Variants in CELF2 observed in about 807,000 individuals in gnomAD.
CELF2 encodes CUG triplet repeat RNA-binding protein 2.
In CELF2, 8 loss-of-function variants were observed where a neutral mutation model predicts 62.6. That is an observed-to-expected ratio of 0.13 (90% CI 0.07 to 0.23). The LOEUF is 0.23. Among genes scored for constraint, CELF2 ranks in the 10% least tolerant of loss-of-function variants. The pLI is 1.00. For synonymous variants in CELF2, 258 were observed against 250.0 expected (o/e 1.03, Z -0.30); for missense variants, 333 against 671.0 (o/e 0.50, Z 5.56).
chr10:11,009,724 T>G (rs958889354), intron 1 of CELF2, among the ~76,000 whole-genome samples: 1 of 152,160 alleles, frequency 6.6e-6, no homozygotes, highest in Non-Finnish European at 1.5e-5. Context: ...TCACTTGAGT[T>G]TAGGGAGCAG....
At position 11,328,565 on chromosome 10, in the gene CELF2, T is replaced by A. The variant is rs764707608; in HGVS notation, c.1439-361T>A. 2.2e-4 allele frequency among the ~76,000 whole-genome samples: 34 copies of A among 152,228 alleles called. No homozygotes were observed. The highest frequency in any genetic ancestry group is 4.1e-4 in the Non-Finnish European group (28 of 68,034). Reference sequence around the variant, plus strand: ...CACCACTGCTTGTATGAGTAGCATGTATGGACCTGGGGTTCTTTTGGAGAG... The same window carrying A: ...CACCACTGCTTGTATGAGTAGCATGAATGGACCTGGGGTTCTTTTGGAGAG... On this transcript the variant is annotated intron_variant, in intron 12 of 12. Transcript: ENST00000633077. This position sits in a 1 kb window ranked among gnomAD's most constrained non-coding sequence, Gnocchi z 6.4.
At chr10:10,643,853 CT>C in the CELF2 span, among the ~76,000 whole-genome samples, 7 of 152,150 alleles carry the variant, frequency 4.6e-5, no homozygotes, top group Admixed American at 4.6e-4. Flanking sequence ...TTTCTTAACT[CT>C]CATTTGCATG....
At chr10:10,797,656 T>A (rs1266583109), upstream of CELF2, among the ~76,000 whole-genome samples, 4 of 152,190 alleles carry the variant, frequency 2.6e-5, no homozygotes, top group Non-Finnish European at 5.9e-5. Flanking sequence ...TGGCCAGCCA[T>A]GGTCCGGAAG....
chr10:10,646,359 G>T, the CELF2 span, among the ~76,000 whole-genome samples: 3 of 152,190 alleles, frequency 2.0e-5, no homozygotes, highest in Non-Finnish European at 2.9e-5. Context: ...CCATTTCAAC[G>T]AAAGCCACGG....
the CELF2 span, among the ~76,000 whole-genome samples, chr10:10,745,021 C>T: frequency 6.6e-6 from 1 of 150,944 alleles, no homozygotes. Flanking sequence ...GACTCGAAGG[C>T]GTGAATATGA....
chr10:11,154,359 C>T (rs2063897285), intron 1 of CELF2, among the ~76,000 whole-genome samples: 1 of 152,198 alleles, frequency 6.6e-6, no homozygotes, highest in African/African-American at 2.4e-5. Context: ...GTATTTGGTA[C>T]TGATTTCATC....
the CELF2 span, among the ~76,000 whole-genome samples, chr10:10,648,863 A>G: frequency 3.9e-5 from 6 of 152,312 alleles, no homozygotes; most frequent in South Asian, 1.2e-3. Context: ...CTATAGCTGC[A>G]TTCCATTGGG....
the CELF2 span, among the ~76,000 whole-genome samples, chr10:10,601,432 T>G: frequency 6.6e-6 from 1 of 152,198 alleles, no homozygotes; most frequent in Non-Finnish European, 1.5e-5. Context: ...TCTAAAGAAC[T>G]TTTGATAACT....
At position 11,270,728 on chromosome 10, in the gene CELF2, C is replaced by T. The variant is rs573001983; in HGVS notation, c.681C>T (p.Arg227=). The T allele has an allele frequency of 4.5e-6, 7 of 1,565,566 alleles. No homozygotes were observed. In the East Asian group the frequency reaches 9.6e-5, roughly 22 times the overall value. The change falls in exon 7 of 13, where the codon CGC becomes CGT. Residue 227 remains arginine, a synonymous_variant. Transcript: ENST00000633077. The surrounding 1 kb of genome is among the most constrained non-coding windows in gnomAD (Gnocchi z 5.8). ...CTCAGAAGGACAAAGAGCAAAGGCG[C>T]CTCCAGCAGCAGCTCGCTCAGCAGA... is the stretch of plus-strand genomic sequence containing the variant. The part of the protein sequence containing the change: ...ADTQKDKEQR[R]LQQQLAQQMQ...
At chr10:10,567,693 C>A in the CELF2 span, among the ~76,000 whole-genome samples, 1 of 152,126 alleles carries the variant, frequency 6.6e-6, no homozygotes, top group African/African-American at 2.4e-5. Context: ...TTATTAGCAA[C>A]CCCCTACCCT....
At chr10:10,744,159 C>G in the CELF2 span, among the ~76,000 whole-genome samples, 2 of 152,214 alleles carry the variant, frequency 1.3e-5, no homozygotes, top group South Asian at 4.1e-4. Flanking sequence ...ATACGAGTGC[C>G]AGTATTGCCA....
intron 1 of CELF2, among the ~76,000 whole-genome samples, chr10:10,825,663 C>T (rs1254718058): frequency 6.6e-6 from 1 of 152,172 alleles, no homozygotes; most frequent in Non-Finnish European, 1.5e-5. Context: ...TGGTCAGCAG[C>T]CATCTAGGTA....
At chr10:11,259,698 G>A (rs971171353) in intron 5 of CELF2, among the ~76,000 whole-genome samples, 3 of 152,176 alleles carry the variant, frequency 2.0e-5, no homozygotes, top group Non-Finnish European at 4.4e-5. Context: ...CCAGCCAAGG[G>A]ATACTAGCAT....
rs1276872757 is a variant in CELF2 at position 11,311,643 on chromosome 10, TTGA to T, written c.977-2494_977-2492del. On this transcript the variant is annotated intron_variant, in intron 9 of 12. Coordinates refer to ENST00000633077, the MANE Select transcript of CELF2 (RefSeq NM_001326342.2). The surrounding 1 kb of genome is among the most constrained non-coding windows in gnomAD (Gnocchi z 4.7). Reference sequence around the variant, plus strand: ...TGATTATGAAAAATGACCAATCATGTTGATAACATTCTAGAAATGAAAAAATAT... The same window carrying T: ...TGATTATGAAAAATGACCAATCATGTTAACATTCTAGAAATGAAAAAATAT... Among the ~76,000 whole-genome samples, 1 of 151,950 alleles carries T rather than the reference TTGA, an allele frequency of 6.6e-6. No homozygotes were observed. The highest frequency in any genetic ancestry group is 1.5e-5 in the Non-Finnish European group (1 of 67,954).
In CELF2 at chr10:11,330,578, C is replaced by CTACTGACCTTTGATCTA. The variant is rs1218466357; in HGVS notation, c.*1526_*1542dup. On this transcript the variant is annotated 3_prime_UTR_variant, in exon 13 of 13. Coordinates refer to ENST00000633077, the MANE Select transcript of CELF2 (RefSeq NM_001326342.2). The surrounding 1 kb of genome is among the most constrained non-coding windows in gnomAD (Gnocchi z 4.5). ...TGACCTCACATCATATTTGGTTCTC[C>CTACTGACCTTTGATCTA]TACTGACCTTTGATCTAGTTTGACC... 12 of 152,554 alleles carry CTACTGACCTTTGATCTA rather than the reference C, an allele frequency of 7.9e-5. No homozygotes were observed. The highest frequency in any genetic ancestry group is 2.9e-4 in the African/African-American group (12 of 41,414). 9.5% of individuals were successfully genotyped at this position (152,554 alleles called of 1,614,324 possible). A position where few individuals can be genotyped will look rare whatever the true frequency, so the allele number is the denominator to read the frequency against.
Position 11,318,382 on chromosome 10 carries a change from C to T in CELF2, c.1097-2807C>T, listed in dbSNP as rs1197069179. 1 of 234,860 alleles carries T rather than the reference C, an allele frequency of 4.3e-6. No homozygotes were observed. The highest frequency in any genetic ancestry group is 1.2e-4 in the East Asian group (1 of 8,160). The allele number at this position is 234,860 out of a possible 1,614,324, so 14.5% of individuals were successfully genotyped here. On this transcript the variant is annotated intron_variant, in intron 10 of 12. Coordinates refer to ENST00000633077, the MANE Select transcript of CELF2 (RefSeq NM_001326342.2). This position sits in a 1 kb window ranked among gnomAD's most constrained non-coding sequence, Gnocchi z 5.4. Reference sequence around the variant, plus strand: ...GCCAAACCCTCCCCGTGTCCCCTGACTGGTCCCCCTTGAGCATCTGCATCC... The same window carrying T: ...GCCAAACCCTCCCCGTGTCCCCTGATTGGTCCCCCTTGAGCATCTGCATCC...
At chr10:11,215,269 T>C (rs2063019605) in intron 2 of CELF2, among the ~76,000 whole-genome samples, 1 of 152,196 alleles carries the variant, frequency 6.6e-6, no homozygotes, top group Non-Finnish European at 1.5e-5. Flanking sequence ...CACTGTATGT[T>C]GGTCAAAGCT....
chr10:11,127,298 G>A (rs1013744506), intron 1 of CELF2, among the ~76,000 whole-genome samples: 2 of 152,170 alleles, frequency 1.3e-5, no homozygotes, highest in Non-Finnish European at 2.9e-5. Context: ...TATCATTGAT[G>A]GAGATTTGGG....
the CELF2 span, among the ~76,000 whole-genome samples, chr10:10,496,979 C>T: frequency 2.2e-4 from 33 of 152,084 alleles, no homozygotes; most frequent in African/African-American, 7.7e-4. Context: ...CACTTCAGGC[C>T]AGGAGTTTGA....
Sources: gnomAD v4.1 joint callset for allele counts (sites outside exome capture counted in the v4.1 genomes callset) on GRCh38, gnomAD v4.1.1 for gene constraint, Gnocchi (gnomAD v3.1) non-coding constraint, MANE v1.5 for transcripts, NCBI Gene and HGNC (gene_info 2026-07-23, HGNC 2026-07-21) for gene names.